PKHD1L1: variants seen among roughly 807,000 people sequenced by gnomAD.
PKHD1L1 encodes the protein fibrocystin-L.
In PKHD1L1, 434 loss-of-function variants were observed where a neutral mutation model predicts 462.9. The observed-to-expected ratio is 0.94, with a 90% CI of 0.87 to 1.02. The LOEUF is 1.02. Ranked by LOEUF, PKHD1L1 falls within the 50% of genes least tolerant of loss-of-function variation. The pLI is 0.00. For missense variants in PKHD1L1, 5,202 were observed against 5,096.1 expected (o/e 1.02, Z -0.63); for synonymous variants, 1,781 against 1,750.0 (o/e 1.02, Z -0.44).
chr8:109,493,843 TG>T, intron 63 of PKHD1L1, 92 bp downstream of exon 63: 1 of 734,218 alleles, frequency 1.4e-6, no homozygotes, highest in East Asian at 3.1e-5. Flanking sequence ...ATTCAATATG[TG>T]ATGTCTTTTC....
chr8:109,470,785 T>C (rs1817676947), intron 50 of PKHD1L1: 6 of 1,524,238 alleles, frequency 3.9e-6, no homozygotes. Flanking sequence ...CATAAATCAG[T>C]TTTGTGAGGT....
At position 109,535,761 on chromosome 8, in the gene PKHD1L1, A is replaced by G. The variant is rs1821131296; in HGVS notation, c.*5671A>G. ...CTGACTTAGAGGAAGGAAAATAGTA[A>G]AATACAAAAGACTAAGTTAGCAGAT... On this transcript the variant is annotated 3_prime_UTR_variant, in exon 78 of 78. Coordinates refer to ENST00000378402, the MANE Select transcript of PKHD1L1 (RefSeq NM_177531.6). Among the ~76,000 whole-genome samples the G allele has an allele frequency of 6.6e-6, 1 of 152,248 alleles. No homozygotes were observed. Among genetic ancestry groups the G allele is most frequent in the South Asian group, 2.1e-4 (1 of 4,834 alleles).
Position 109,444,694 on chromosome 8 carries a change from G to C in PKHD1L1, c.4825G>C (p.Glu1609Gln). 1 of 1,613,844 alleles carries C rather than the reference G, an allele frequency of 6.2e-7. No individual in the cohort carries two copies. The highest frequency in any genetic ancestry group is 8.5e-7 in the Non-Finnish European group (1 of 1,179,784). Residue 1609 changes from glutamate to glutamine, a missense_variant, in exon 38 of 78, where the codon GAA (glutamate) becomes CAA (glutamine). Physicochemically the swap from Glu to Gln is conservative, Grantham distance 29. Around this residue, in one of 3 missense-constraint regions of PKHD1L1, gnomAD observed 4,497 missense variants for 4,336.8 expected, o/e 1.04. Coordinates refer to ENST00000378402, the MANE Select transcript of PKHD1L1 (RefSeq NM_177531.6). ...TGGTAGCTACCCCTGTGTCGTAGAAGAAAGTAGTGAGGATTCAATTACATG... is the reference window on the plus strand; with the variant it reads ...TGGTAGCTACCCCTGTGTCGTAGAACAAAGTAGTGAGGATTCAATTACATG... Reference protein sequence around the residue: ...TIGSYPCVVEESSEDSITCHI... With the variant: ...TIGSYPCVVEQSSEDSITCHI...
intron 23 of PKHD1L1, among the ~76,000 whole-genome samples, chr8:109,422,296 G>T (rs996107860): frequency 5.9e-5 from 9 of 151,890 alleles, no homozygotes; most frequent in African/African-American, 2.2e-4. Context: ...ACCACCACCA[G>T]AACAGTTCTA....
At position 109,441,273 on chromosome 8, in the gene PKHD1L1, A is replaced by G. The variant is rs989668470; in HGVS notation, c.4100-2A>G. The G allele has an allele frequency of 6.5e-7, 1 of 1,539,430 alleles. No homozygotes were observed. Reference sequence around the variant, plus strand: ...AAAATATGCAGTATTTATTCTTTCTAGGGTCCATCCCTTGCAATGTTACAT... The same window carrying G: ...AAAATATGCAGTATTTATTCTTTCTGGGGTCCATCCCTTGCAATGTTACAT... On this transcript the variant is annotated splice_acceptor_variant, in intron 33 of 77. Coordinates refer to ENST00000378402, the MANE Select transcript of PKHD1L1 (RefSeq NM_177531.6). LOFTEE classifies it high-confidence loss of function.
At chr8:109,451,174 T>A in intron 41 of PKHD1L1, 25 bp downstream of exon 41, 1 of 1,570,720 alleles carries the variant, frequency 6.4e-7, no homozygotes, top group Admixed American at 1.8e-5. Flanking sequence ...CAAACACGCA[T>A]CATTGTGCAT....
At position 109,445,148 on chromosome 8, in the gene PKHD1L1, T is replaced by A. The variant is rs770366151; in HGVS notation, c.5279T>A (p.Ile1760Lys). ...ACAGGAGTCTTCCCAAACTCTGTCA[T>A]AGGATCTGTAAAAGTTCTTATTGAA... ...YITGVFPNSVIGSVKVLIEGE... is the reference protein window; with the variant it reads ...YITGVFPNSVKGSVKVLIEGE... Residue 1760 changes from isoleucine to lysine, a missense_variant, in exon 38 of 78, where the codon ATA (isoleucine) becomes AAA (lysine). Ile to Lys is a moderately radical substitution (Grantham distance 102, BLOSUM62 -3). Around this residue, in one of 3 missense-constraint regions of PKHD1L1, gnomAD observed 4,497 missense variants for 4,336.8 expected, o/e 1.04. Coordinates refer to ENST00000378402, the MANE Select transcript of PKHD1L1 (RefSeq NM_177531.6). 1.9e-5 allele frequency: 31 copies of A among 1,613,812 alleles called. 1 individual carries two copies. Among genetic ancestry groups the A allele is most frequent in the Non-Finnish European group, 8.5e-7 (1 of 1,179,882 alleles).
At chr8:109,463,776 G>A (rs117567709) in intron 48 of PKHD1L1, among the ~76,000 whole-genome samples, 2 of 152,264 alleles carry the variant, frequency 1.3e-5, no homozygotes, top group Non-Finnish European at 2.9e-5. Context: ...TCAATGGTAA[G>A]TGCCTACTTT....
chr8:109,462,050 C>A (rs972311012), intron 48 of PKHD1L1, 142 bp downstream of exon 48: 5 of 1,039,906 alleles, frequency 4.8e-6, no homozygotes, highest in Non-Finnish European at 6.6e-6. Context: ...TTTAATACAC[C>A]CATTTGATCA....
At position 109,530,786 on chromosome 8, in the gene PKHD1L1, T is replaced by G. The variant is rs1821022931; in HGVS notation, c.*696T>G. On this transcript the variant is annotated 3_prime_UTR_variant, in exon 78 of 78. Transcript: ENST00000378402. ...CCTACCCCTCCTTCCCACTCAAAAC[T>G]GCCACTACTAAGAGCAGGACTCCCC... Among the ~76,000 whole-genome samples the G allele has an allele frequency of 6.6e-6, 1 of 152,054 alleles. No individual in the cohort carries two copies. The highest frequency in any genetic ancestry group is 1.5e-5 in the Non-Finnish European group (1 of 68,012).
chr8:109,442,264 G>A (rs765963228), intron 35 of PKHD1L1, 69 bp downstream of exon 35: 2 of 1,393,874 alleles, frequency 1.4e-6, no homozygotes, highest in African/African-American at 1.4e-5. Context: ...GACATTTTGT[G>A]TAGATTTAAT....
intron 6 of PKHD1L1, among the ~76,000 whole-genome samples, chr8:109,385,881 A>T (rs1443274895): frequency 6.6e-6 from 1 of 152,152 alleles, no homozygotes; most frequent in Non-Finnish European, 1.5e-5. Context: ...TTATTAACAG[A>T]AGAAACACAC....
chr8:109,449,804 A>G (rs1816379666), intron 40 of PKHD1L1, among the ~76,000 whole-genome samples: 1 of 152,196 alleles, frequency 6.6e-6, no homozygotes, highest in Non-Finnish European at 1.5e-5. Context: ...TCCATTAAAG[A>G]TAGGAGTTTC....
chr8:109,384,194 A>G, intron 5 of PKHD1L1, 67 bp downstream of exon 5: 2 of 1,178,558 alleles, frequency 1.7e-6, no homozygotes, highest in Non-Finnish European at 2.5e-6. Context: ...TTTTTAGTAT[A>G]TGAAATTAGT....
Position 109,523,314 on chromosome 8 carries a change from C to G in PKHD1L1, c.12412C>G (p.Leu4138Val). ...CTCCAATAATAACCAAGTCAATGGC[C>G]TTAGTGGAAATACAACAATTCCGTT... Reference protein sequence around the residue: ...KDSNNNQVNGLSGNTTIPFSS... With the variant: ...KDSNNNQVNGVSGNTTIPFSS... The change falls in exon 76 of 78, where the codon CTT becomes GTT. Residue 4138 changes from leucine (L) to valine (V), a missense_variant. Physicochemically the swap from Leu to Val is conservative, Grantham distance 32. Coordinates refer to ENST00000378402, the MANE Select transcript of PKHD1L1 (RefSeq NM_177531.6). 5 of 1,612,316 alleles carry G rather than the reference C, an allele frequency of 3.1e-6. No homozygotes were observed. Among genetic ancestry groups the G allele is most frequent in the Non-Finnish European group, 4.2e-6 (5 of 1,179,032 alleles).
At chr8:109,365,701 C>T (rs111770172) in intron 2 of PKHD1L1, among the ~76,000 whole-genome samples, 3,818 of 152,248 alleles carry the variant, frequency 0.025, 180 homozygotes, top group African/African-American at 0.088. Flanking sequence ...AAGGGCTAGG[C>T]GCGGTGGCTC....
chr8:109,363,235 G>T (rs1430403046), intron 1 of PKHD1L1, among the ~76,000 whole-genome samples: 1 of 152,178 alleles, frequency 6.6e-6, no homozygotes, highest in African/African-American at 2.4e-5. Flanking sequence ...GCGAGGAGCA[G>T]CACTGTCTGG....
At chr8:109,409,731 A>T in intron 18 of PKHD1L1, 134 bp from the exon 19 acceptor site, 1 of 486,246 alleles carries the variant, frequency 2.1e-6, no homozygotes, top group Non-Finnish European at 3.6e-6. Flanking sequence ...TAGAAAATTA[A>T]CTCATAATCA....
intron 69 of PKHD1L1, 51 bp from the exon 70 acceptor site, chr8:109,508,046 T>G (rs1819784775): frequency 7.2e-6 from 11 of 1,530,232 alleles, no homozygotes; most frequent in Non-Finnish European, 9.7e-6. Context: ...AAGGATTTTT[T>G]TGCAAAGAGA....
Sources: gnomAD v4.1 joint callset for allele counts (sites outside exome capture counted in the v4.1 genomes callset) on GRCh38, gnomAD v4.1.1 for gene constraint, gnomAD v4.1.1 regional missense constraint, MANE v1.5 for transcripts, NCBI Gene and HGNC (gene_info 2026-07-23, HGNC 2026-07-21) for gene names.